The following GPBP1 variants were observed in gnomAD, a reference collection of about 807,000 sequenced individuals.
GPBP1 encodes GC-rich promoter binding protein 1, also known as vasculin.
GPBP1 carries 13 observed loss-of-function variants against 56.5 expected under a neutral mutation model. The observed-to-expected ratio is 0.23, with a 90% CI of 0.15 to 0.37. GPBP1 has a LOEUF of 0.37. GPBP1 is among the 10% of genes least tolerant of loss of function. GPBP1 has a pLI of 1.00. For synonymous variants in GPBP1, 204 were observed against 188.9 expected (o/e 1.08, Z -0.66); for missense variants, 477 against 572.3 (o/e 0.83, Z 1.70).
intron 6 of GPBP1, chr5:57,236,999 A>C (rs1046772489): frequency 1.6e-6 from 1 of 623,546 alleles, no homozygotes; most frequent in Admixed American, 3.2e-5. Context: ...CTTCCTCTTT[A>C]TTTAAGGGCT....
chr5:57,245,061 T>C (rs1188873465), intron 6 of GPBP1, among the ~76,000 whole-genome samples: 2 of 152,172 alleles, frequency 1.3e-5, no homozygotes, highest in Non-Finnish European at 1.5e-5. Flanking sequence ...TCATTTTTGT[T>C]TTGTTAACTT....
Position 57,263,691 on chromosome 5 carries a change from CT to C in GPBP1, c.*940del, listed in dbSNP as rs1202064561. The C allele has an allele frequency of 6.6e-6, 1 of 152,124 alleles. No individual in the cohort carries two copies. Among genetic ancestry groups the C allele is most frequent in the African/African-American group, 2.4e-5 (1 of 41,426 alleles). The allele number at this position is 152,124 out of a possible 1,614,324, so 9.4% of individuals were successfully genotyped here. A position where few individuals can be genotyped will look rare whatever the true frequency, so the allele number is the denominator to read the frequency against. On this transcript the variant is annotated 3_prime_UTR_variant, in exon 12 of 12. Transcript: ENST00000506184. ...TCATACTTTTAAAAGTAATACCTTA[CT>C]AAAGATGGTGATTACTTTTCCGAGG...
At chr5:57,249,694 C>A (rs1296388229) in intron 9 of GPBP1, 118 bp downstream of exon 9, 3 of 807,164 alleles carry the variant, frequency 3.7e-6, no homozygotes, top group Admixed American at 6.9e-5. Flanking sequence ...CTTGGAAAGC[C>A]ATTTGCATAA....
At chr5:57,183,307 C>T (rs1464465262) in intron 2 of GPBP1, among the ~76,000 whole-genome samples, 5 of 152,150 alleles carry the variant, frequency 3.3e-5, no homozygotes, top group Admixed American at 6.5e-5. Context: ...GCAGAGGTTG[C>T]AGTGAGCCGA....
rs569079828 is a variant in GPBP1, at chr5:57,228,134, C to A, written c.64-2712C>A. On this transcript the variant is annotated intron_variant, in intron 3 of 11. Transcript: ENST00000506184. Reference sequence around the variant, plus strand: ...TACTTCTTTATATGTTTAAATACTTCATTAAAACCACCTATATAGTCTTTT... The same window carrying A: ...TACTTCTTTATATGTTTAAATACTTAATTAAAACCACCTATATAGTCTTTT... 2.7e-4 allele frequency among the ~76,000 whole-genome samples: 41 copies of A among 152,250 alleles called. No individual in the cohort carries two copies. In the South Asian group the frequency reaches 3.7e-3, roughly 14 times the overall value.
chr5:57,195,308 A>G (rs1754697889), intron 2 of GPBP1, among the ~76,000 whole-genome samples: 1 of 152,102 alleles, frequency 6.6e-6, no homozygotes, highest in South Asian at 2.1e-4. Context: ...GGCACATGAC[A>G]TCATGCCTGG....
chr5:57,207,680 A>G (rs1755293406), intron 2 of GPBP1, among the ~76,000 whole-genome samples: 1 of 152,146 alleles, frequency 6.6e-6, no homozygotes, highest in African/African-American at 2.4e-5. Context: ...GAACGAGTGC[A>G]AGGTTTTATT....
Position 57,247,094 on chromosome 5 carries a change from AAAC to A in GPBP1, c.686_688del (p.Thr229del), listed in dbSNP as rs761572204. ...CTTTAGCCTACACAATGGAAAAGCC[AAAC>A]AAAAGAAAATAAAGTTGGAACTTCT... is the stretch of plus-strand genomic sequence containing the variant. On this transcript the variant is annotated inframe_deletion, in exon 8 of 12. Coordinates refer to ENST00000506184, the MANE Select transcript of GPBP1 (RefSeq NM_022913.4). 3.5e-5 allele frequency: 56 copies of A among 1,613,156 alleles called. No individual in the cohort carries two copies. The highest frequency in any genetic ancestry group is 4.5e-5 in the Non-Finnish European group (53 of 1,179,682).
intron 6 of GPBP1, among the ~76,000 whole-genome samples, chr5:57,243,408 CT>C (rs1251125215): frequency 6.6e-6 from 1 of 152,098 alleles, no homozygotes; most frequent in African/African-American, 2.4e-5. Context: ...TATCCCTCCC[CT>C]TTCCTCTCAG....
At chr5:57,229,230 CAAAAAAAAAAAAAAAAAAAAAA>C (rs543005934) in intron 3 of GPBP1, among the ~76,000 whole-genome samples, 35,513 of 77,990 alleles carry the variant, frequency 0.46, 6,181 homozygotes, top group East Asian at 0.72. Context: ...GACTCCATCT[CAAAAAAAAAAAAAAAAAAAAAA>C]AAAAAAAAAA....
At chr5:57,179,031 T>G (rs1291740461) in intron 2 of GPBP1, among the ~76,000 whole-genome samples, 1 of 152,064 alleles carries the variant, frequency 6.6e-6, no homozygotes, top group Non-Finnish European at 1.5e-5. Context: ...GATGAGAAAA[T>G]TAGGATTTAG....
At chr5:57,209,399 C>T (rs930414589) in intron 2 of GPBP1, among the ~76,000 whole-genome samples, 3 of 152,220 alleles carry the variant, frequency 2.0e-5, no homozygotes, top group Non-Finnish European at 4.4e-5. Flanking sequence ...CTGTGGGGCT[C>T]TAGCACTTCT....
chr5:57,244,108 A>C (rs1289177737), intron 6 of GPBP1, among the ~76,000 whole-genome samples: 3 of 152,130 alleles, frequency 2.0e-5, no homozygotes, highest in Non-Finnish European at 4.4e-5. Flanking sequence ...ATTAGTAAGG[A>C]TCTTTTGAAT....
chr5:57,199,579 T>C (rs1754909520), intron 2 of GPBP1, among the ~76,000 whole-genome samples: 1 of 152,192 alleles, frequency 6.6e-6, no homozygotes, highest in East Asian at 1.9e-4. Context: ...AGTTCTAGGG[T>C]ACATGTGCAC....
intron 10 of GPBP1, among the ~76,000 whole-genome samples, chr5:57,253,560 T>A (rs1350241318): frequency 6.6e-6 from 1 of 152,248 alleles, no homozygotes; most frequent in Non-Finnish European, 1.5e-5. Context: ...TCCATCTTGT[T>A]CACTATATCT....
At chr5:57,197,106 G>A (rs1035481774) in intron 2 of GPBP1, among the ~76,000 whole-genome samples, 4 of 152,060 alleles carry the variant, frequency 2.6e-5, no homozygotes, top group Admixed American at 1.3e-4. Flanking sequence ...TAGAGACAGC[G>A]TTTCACTATG....
chr5:57,209,475 T>G (rs1484556611), intron 2 of GPBP1, among the ~76,000 whole-genome samples: 1 of 152,152 alleles, frequency 6.6e-6, no homozygotes, highest in Non-Finnish European at 1.5e-5. Context: ...CAGGATGCCT[T>G]TCATTTCTTT....
chr5:57,193,607 C>A (rs1754620035), intron 2 of GPBP1, among the ~76,000 whole-genome samples: 1 of 120,990 alleles, frequency 8.3e-6, no homozygotes. Context: ...GAATGAGACC[C>A]TGTCTCAAAA....
At chr5:57,207,920 C>T (rs1755303153) in intron 2 of GPBP1, among the ~76,000 whole-genome samples, 1 of 152,130 alleles carries the variant, frequency 6.6e-6, no homozygotes, top group Non-Finnish European at 1.5e-5. Flanking sequence ...GTGTGTTCTT[C>T]CGCCGATATG....
Sources: gnomAD v4.1 joint callset for allele counts (sites outside exome capture counted in the v4.1 genomes callset) on GRCh38, gnomAD v4.1.1 for gene constraint, MANE v1.5 for transcripts, NCBI Gene and HGNC (gene_info 2026-07-23, HGNC 2026-07-21) for gene names.